CP: variants seen among roughly 807,000 people sequenced by gnomAD.
CP encodes the protein caeruloplasmin.
In CP, 64 loss-of-function variants were observed where a neutral mutation model predicts 122.4. That is an observed-to-expected ratio of 0.52 (90% CI 0.43 to 0.64). CP has a LOEUF of 0.64. Ranked by LOEUF, CP falls within the 30% of genes least tolerant of loss-of-function variation. The pLI, the probability that CP is intolerant of heterozygous loss-of-function variation, is 0.00. For synonymous variants in CP, 440 were observed against 436.4 expected (o/e 1.01, Z -0.10); for missense variants, 1,167 against 1,284.4 (o/e 0.91, Z 1.40).
downstream of CP, chr3:149,172,022 G>A: frequency 6.7e-7 from 1 of 1,498,046 alleles, no homozygotes; most frequent in East Asian, 2.3e-5. Context: ...GCTTCTAATT[G>A]GTTGGTTAAG....
At chr3:149,166,075 A>C in intron 4 of CP, 1 of 453,134 alleles carries the variant, frequency 2.2e-6, no homozygotes, top group Non-Finnish European at 4.4e-6. Context: ...GTACAGGGAC[A>C]AGAAAATTAG....
intron 5 of CP, 54 bp from the exon 6 acceptor site, chr3:149,206,393 T>C (rs1727728979): frequency 6.3e-7 from 1 of 1,598,378 alleles, no homozygotes; most frequent in Admixed American, 1.7e-5. Flanking sequence ...TTCTCTCTCC[T>C]ATTGCCCTGT....
intron 12 of CP, among the ~76,000 whole-genome samples, chr3:149,183,906 G>A (rs1009550012): frequency 6.6e-6 from 1 of 150,512 alleles, no homozygotes; most frequent in African/African-American, 2.4e-5. Flanking sequence ...CCTCAAATGA[G>A]ATATTTGAAC....
chr3:149,207,223 A>G (rs1293394911), intron 5 of CP, 140 bp downstream of exon 5: 1 of 904,954 alleles, frequency 1.1e-6, no homozygotes, highest in African/African-American at 1.7e-5. Flanking sequence ...TTATTACATT[A>G]TTATATATAC....
chr3:149,162,588 T>C, exon 6 of CP: 1 of 1,270,698 alleles, frequency 7.9e-7, no homozygotes, highest in Non-Finnish European at 1.1e-6. Flanking sequence ...TGGTAAATTA[T>C]TGATTGCGTG....
At position 149,219,971 on chromosome 3, in the gene CP, C is replaced by G. The variant is rs57469291; in HGVS notation, c.146+1676G>C. 5.4e-3 allele frequency among the ~76,000 whole-genome samples: 824 copies of G among 152,270 alleles called. 4 individuals are homozygous for G. Among genetic ancestry groups the G allele is most frequent in the African/African-American group, 0.019 (808 of 41,556 alleles). ...ATGTGGAACTGTGAGTCCATTAAAC[C>G]TCTTTTTCTTTATAAATTACTCAGT... is the stretch of plus-strand genomic sequence containing the variant. On this transcript the variant is annotated intron_variant, in intron 1 of 18. Transcript: ENST00000264613.
intron 12 of CP, among the ~76,000 whole-genome samples, chr3:149,184,012 C>A (rs1242820763): frequency 1.4e-5 from 2 of 144,192 alleles, no homozygotes; most frequent in African/African-American, 5.1e-5. Flanking sequence ...CCCAGGCATT[C>A]CCTTTTCACT....
chr3:149,199,890 C>A (rs567874121), intron 7 of CP, 26 bp from the exon 8 acceptor site: 16 of 1,611,822 alleles, frequency 9.9e-6, no homozygotes, highest in Non-Finnish European at 1.4e-5. Flanking sequence ...GAATTATTAT[C>A]CTTCCTTGGT....
intron 17 of CP, among the ~76,000 whole-genome samples, chr3:149,177,580 C>A (rs747694222): frequency 1.3e-5 from 2 of 152,146 alleles, no homozygotes; most frequent in African/African-American, 4.8e-5. Flanking sequence ...ACAGTGCCTA[C>A]ATATCATTTC....
chr3:149,181,973 T>TGGGGGGGG, intron 14 of CP, 32 bp downstream of exon 14: 5 of 1,375,574 alleles, frequency 3.6e-6, no homozygotes, highest in Non-Finnish European at 5.2e-6. Flanking sequence ...CCTGTTAAAA[T>TGGGGGGGG]GCACCACCCC....
At position 149,210,276 on chromosome 3, in the gene CP, A is replaced by G; in HGVS notation, c.498T>C (p.Ser166=). 6.2e-7 allele frequency: 1 copy of G among 1,614,024 alleles called. No homozygotes were observed. The change falls in exon 3 of 19, where the codon AGT becomes AGC. Residue 166 remains serine (S), a synonymous_variant. Coordinates refer to ENST00000264613, the MANE Select transcript of CP (RefSeq NM_000096.4). ...CACAATTGCCATCTCCTTCCCCAGG[A>G]CTTTGTTCTTCAGTGGCAAGCAACA... The part of the protein sequence containing the change: ...TYMLLATEEQ[S]PGEGDGNCVT...
chr3:149,172,428 C>T (rs537793845), downstream of CP: 6 of 485,392 alleles, frequency 1.2e-5, no homozygotes, highest in African/African-American at 1.2e-4. Flanking sequence ...TAATTTATGA[C>T]CTCAATCAAT....
At chr3:149,217,607 C>A (rs1236620157) in intron 1 of CP, among the ~76,000 whole-genome samples, 1 of 152,118 alleles carries the variant, frequency 6.6e-6, no homozygotes, top group Middle Eastern at 3.2e-3. Flanking sequence ...TCTTAGGGCA[C>A]CCAATTGCTG....
intron 4 of CP, chr3:149,166,059 A>G (rs1284085290): frequency 2.2e-6 from 1 of 456,000 alleles, no homozygotes; most frequent in East Asian, 7.0e-5. Context: ...TGCTGTAGCA[A>G]AAAGGGTACA....
chr3:149,183,656 CTT>C lies in CP; in HGVS notation c.2286-53_2286-52del, dbSNP rs559099434. 239 of 1,321,618 alleles carry C rather than the reference CTT, an allele frequency of 1.8e-4. No individual in the cohort carries two copies. In the African/African-American group the frequency reaches 2.7e-3, roughly 15 times the overall value. The allele number at this position is 1,321,618 out of a possible 1,614,324, so 81.9% of individuals were successfully genotyped here. On this transcript the variant is annotated intron_variant, in intron 12 of 18. Transcript: ENST00000264613. ...AGTATTTGTCTTAATGAAAATGTAA[CTT>C]AAGTTTTAAACTTTAAATTTTGAAT... is the stretch of plus-strand genomic sequence containing the variant.
chr3:149,209,913 C>G (rs1190936942), intron 3 of CP, among the ~76,000 whole-genome samples: 3 of 152,144 alleles, frequency 2.0e-5, no homozygotes, highest in Middle Eastern at 3.2e-3. Context: ...AAGTTAGATA[C>G]AGCAAACTGA....
At chr3:149,209,139 G>T in intron 4 of CP, 72 bp downstream of exon 4, 1 of 1,576,276 alleles carries the variant, frequency 6.3e-7, no homozygotes, top group South Asian at 1.1e-5. Context: ...ATTTATGTGA[G>T]GGAATAAGCT....
At position 149,185,223 on chromosome 3, in the gene CP, G is replaced by C; in HGVS notation, c.2285+16C>G. The C allele has an allele frequency of 1.2e-6, 2 of 1,610,944 alleles. No homozygotes were observed. The highest frequency in any genetic ancestry group is 1.7e-6 in the Non-Finnish European group (2 of 1,179,044). On this transcript the variant is annotated intron_variant, in intron 12 of 18. Transcript: ENST00000264613. ...AAATTACTGCTGAAATTGGGAATCA[G>C]AGTCTGGAGAATTACTTCTGCTCTT...
chr3:149,187,962 A>C, intron 10 of CP, 90 bp downstream of exon 10: 1 of 1,385,076 alleles, frequency 7.2e-7, no homozygotes, highest in Non-Finnish European at 1.0e-6. Flanking sequence ...ATAATCAATG[A>C]GCAAAGCTCT....
Sources: allele counts gnomAD v4.1 joint callset (sites outside exome capture counted in the v4.1 genomes callset), GRCh38; gene constraint gnomAD v4.1.1; transcripts MANE v1.5; gene names NCBI Gene and HGNC (gene_info 2026-07-23, HGNC 2026-07-21).